Variants in ZNF462 observed in about 807,000 individuals in gnomAD.
ZNF462 encodes zinc finger protein 462, also known as zinc finger PBX1-interacting protein.
In ZNF462, 10 loss-of-function variants were observed where a neutral mutation model predicts 201.9. The observed-to-expected ratio is 0.05, with a 90% CI of 0.03 to 0.08. The LOEUF (loss-of-function observed/expected upper bound fraction) is 0.08. Ranked by LOEUF, ZNF462 falls within the 10% of genes least tolerant of loss-of-function variation. The probability of loss-of-function intolerance (pLI) is 1.00; values close to 1 mark genes in which losing one functional copy is unlikely to be tolerated. For missense variants in ZNF462, 2,523 were observed against 3,168.3 expected, an observed-to-expected ratio of 0.80 and a Z score of 4.89; for synonymous variants, 1,227 against 1,193.3, an observed-to-expected ratio of 1.03 and a Z score of -0.58.
chr9:106,894,414 C>T (rs531014478), intron 1 of ZNF462, among the ~76,000 whole-genome samples: 5 of 152,258 alleles, frequency 3.3e-5, no homozygotes, highest in Admixed American at 6.5e-5. Context: ...TTCCATAACA[C>T]GATATAACAG....
intron 10 of ZNF462, among the ~76,000 whole-genome samples, chr9:106,987,218 A>G (rs1827916399): frequency 6.6e-6 from 1 of 152,180 alleles, no homozygotes; most frequent in Non-Finnish European, 1.5e-5. Flanking sequence ...TTCTACTTTT[A>G]GTTCTTTAAG....
chr9:106,908,937 ATATATTTTTTTTTTTTTTTTTTTTTTTT>A (rs1465534751), intron 1 of ZNF462, among the ~76,000 whole-genome samples: 2 of 30,462 alleles, frequency 6.6e-5, no homozygotes, highest in African/African-American at 2.0e-4. Context: ...ATATATATAT[ATATATTTTTTTTTTTTTTTTTTTTTTTT>A]TTTTTTTTTT....
chr9:106,906,173 G>C (rs1049880378), intron 1 of ZNF462, among the ~76,000 whole-genome samples: 1 of 152,200 alleles, frequency 6.6e-6, no homozygotes, highest in East Asian at 1.9e-4. Context: ...TCTCCAGTGG[G>C]GGGTGTGTGT....
Position 106,923,338 on chromosome 9 carries a change from C to T in ZNF462, c.-30-16C>T, listed in dbSNP as rs1055000926. ...AGTGCATTCCTTAAGATGTTTTGTT[C>T]TGACTTCTGCCACAGGTTCCTAATG... On this transcript the variant is annotated splice_polypyrimidine_tract_variant and intron_variant, in intron 1 of 12. Coordinates refer to ENST00000277225, the MANE Select transcript of ZNF462 (RefSeq NM_021224.6). The surrounding 1 kb of genome is among the most constrained non-coding windows in gnomAD (Gnocchi z 5.6). 1.9e-6 allele frequency: 3 copies of T among 1,594,988 alleles called. No individual in the cohort carries two copies. The highest frequency in any genetic ancestry group is 2.6e-6 in the Non-Finnish European group (3 of 1,163,692).
rs771723442 is a variant in ZNF462, at chr9:106,926,928, A to C, written c.3016A>C (p.Lys1006Gln). 1.2e-6 allele frequency: 2 copies of C among 1,614,200 alleles called. No homozygotes were observed. Among genetic ancestry groups the C allele is most frequent in the South Asian group, 2.2e-5 (2 of 91,076 alleles). The change falls in exon 3 of 13, where the codon AAA (lysine) becomes CAA (glutamine). Residue 1006 changes from lysine to glutamine, a missense_variant. By Grantham distance (53) the Lys-to-Gln change is moderately conservative. Coordinates refer to ENST00000277225, the MANE Select transcript of ZNF462 (RefSeq NM_021224.6). The surrounding 1 kb of genome is among the most constrained non-coding windows in gnomAD (Gnocchi z 7.9). ...TGGTGGTTTGCCAGCTACGTTCAAC[A>C]AAAACACTCCTAAGACCTTTACTCC... ...RGGGLPATFNKNTPKTFTPEC... is the reference protein window; with the variant it reads ...RGGGLPATFNQNTPKTFTPEC...
rs1384032245 is a variant in ZNF462, at chr9:106,886,090, TAATC to T, written c.-31+22738_-31+22741del. On this transcript the variant is annotated intron_variant, in intron 1 of 12. Coordinates refer to ENST00000277225, the MANE Select transcript of ZNF462 (RefSeq NM_021224.6). The surrounding 1 kb of genome is among the most constrained non-coding windows in gnomAD (Gnocchi z 4.6). ...GAACAGTTTGTATTTTATTAAATAA[TAATC>T]AAGAGGTAACTCATACCCAAGAAGT... Among the ~76,000 whole-genome samples, 2 of 152,186 alleles carry T rather than the reference TAATC, an allele frequency of 1.3e-5. No homozygotes were observed. Among genetic ancestry groups the T allele is most frequent in the East Asian group, 3.8e-4 (2 of 5,200 alleles).
chr9:106,884,909 G>T (rs1211891543), intron 1 of ZNF462, among the ~76,000 whole-genome samples: 1 of 152,122 alleles, frequency 6.6e-6, no homozygotes, highest in African/African-American at 2.4e-5. Context: ...ACGGTCTAGG[G>T]TCTAATAGTA....
chr9:107,010,925 C>T lies in ZNF462; in HGVS notation c.7416C>T (p.Asp2472=), dbSNP rs367811186. ...KMPSIEEKED[D]EAIGIDFSLK... ...CCTCCATAGAGGAAAAGGAAGATGA[C>T]GAGGCCATTGGGATAGACTTTTCCC... Residue 2472 remains aspartate (D), a synonymous_variant, in exon 13 of 13, where the codon GAC becomes GAT. Coordinates refer to ENST00000277225, the MANE Select transcript of ZNF462 (RefSeq NM_021224.6). The surrounding 1 kb of genome is among the most constrained non-coding windows in gnomAD (Gnocchi z 4.6). 55 of 1,613,518 alleles carry T rather than the reference C, an allele frequency of 3.4e-5. No homozygotes were observed. The highest frequency in any genetic ancestry group is 4.4e-5 in the Non-Finnish European group (52 of 1,179,858).
chr9:106,972,322 C>T lies in ZNF462; in HGVS notation c.6695+50C>T, dbSNP rs377199026. 1.3e-6 allele frequency: 2 copies of T among 1,577,914 alleles called. No homozygotes were observed. Among genetic ancestry groups the T allele is most frequent in the Non-Finnish European group, 1.7e-6 (2 of 1,161,754 alleles). ...GGAAAACAAGGCGGCCGCCCCTGCT[C>T]CACCCCTCACTGCAGGCTTCCCTTA... On this transcript the variant is annotated intron_variant, in intron 8 of 12. Coordinates refer to ENST00000277225, the MANE Select transcript of ZNF462 (RefSeq NM_021224.6). This position sits in a 1 kb window ranked among gnomAD's most constrained non-coding sequence, Gnocchi z 4.8.
chr9:106,894,483 T>C (rs373618126), intron 1 of ZNF462, among the ~76,000 whole-genome samples: 1 of 152,240 alleles, frequency 6.6e-6, no homozygotes, highest in East Asian at 1.9e-4. Flanking sequence ...TTAAGGAAAA[T>C]GTAAAGGTAT....
intron 1 of ZNF462, among the ~76,000 whole-genome samples, chr9:106,882,955 T>C (rs962645115): frequency 6.6e-6 from 1 of 152,174 alleles, no homozygotes; most frequent in Non-Finnish European, 1.5e-5. Context: ...ATTGGAAGGA[T>C]GAAGCAACGG....
At chr9:106,869,999 A>G (rs542011093) in intron 1 of ZNF462, among the ~76,000 whole-genome samples, 1 of 152,178 alleles carries the variant, frequency 6.6e-6, no homozygotes, top group Non-Finnish European at 1.5e-5. Flanking sequence ...TTGGATTTAC[A>G]TTTTGTGCTT....
chr9:106,924,494 T>A lies in ZNF462; in HGVS notation c.582T>A (p.Ala194=). The change falls in exon 3 of 13, where the codon GCT becomes GCA. Residue 194 remains alanine (A), a synonymous_variant. Coordinates refer to ENST00000277225, the MANE Select transcript of ZNF462 (RefSeq NM_021224.6). The surrounding 1 kb of genome is among the most constrained non-coding windows in gnomAD (Gnocchi z 6.2). ...YHKNNLKETT[A]PPPAPAPMPD... ...AAAACAATTTGAAGGAGACCACTGC[T>A]CCCCCACCTGCTCCTGCTCCAATGC... 1 of 1,613,876 alleles carries A rather than the reference T, an allele frequency of 6.2e-7. No individual in the cohort carries two copies. Among genetic ancestry groups the A allele is most frequent in the Non-Finnish European group, 8.5e-7 (1 of 1,179,976 alleles).
chr9:106,877,937 A>C (rs975588579), intron 1 of ZNF462, among the ~76,000 whole-genome samples: 1 of 152,210 alleles, frequency 6.6e-6, no homozygotes, highest in Non-Finnish European at 1.5e-5. Context: ...ATGAAAGAGT[A>C]GGAGCTGAAC....
At chr9:106,999,569 T>A (rs1303650382) in intron 10 of ZNF462, among the ~76,000 whole-genome samples, 1 of 152,154 alleles carries the variant, frequency 6.6e-6, no homozygotes, top group African/African-American at 2.4e-5. Flanking sequence ...GATTAAAAAT[T>A]ATGTTTATTC....
intron 1 of ZNF462, among the ~76,000 whole-genome samples, chr9:106,864,332 C>T (rs933008307): frequency 4.6e-5 from 7 of 151,910 alleles, no homozygotes; most frequent in African/African-American, 1.5e-4. Context: ...AGCCATTACA[C>T]ACGCTTGGCT....
At chr9:106,999,563 A>T (rs1015498336) in intron 10 of ZNF462, among the ~76,000 whole-genome samples, 3 of 152,182 alleles carry the variant, frequency 2.0e-5, no homozygotes, top group Non-Finnish European at 4.4e-5. Context: ...TGTAGTGATT[A>T]AAAATTATGT....
rs1290220741 is a variant in ZNF462 at position 106,981,497 on chromosome 9, G to A, written c.6833-2689G>A. Among the ~76,000 whole-genome samples, 1 of 152,158 alleles carries A rather than the reference G, an allele frequency of 6.6e-6. No homozygotes were observed. Among genetic ancestry groups the A allele is most frequent in the Non-Finnish European group, 1.5e-5 (1 of 68,032 alleles). ...TTCTCGGTTTCCACATCAACAAACT[G>A]AAGAAAATAGAACTGACTTTGCAGG... On this transcript the variant is annotated intron_variant, in intron 9 of 12. Transcript: ENST00000277225. The surrounding 1 kb of genome is among the most constrained non-coding windows in gnomAD (Gnocchi z 4.0).
rs554504351 is a variant in ZNF462 at position 106,971,921 on chromosome 9, A to G, written c.6428-84A>G. 2.7e-6 allele frequency: 4 copies of G among 1,507,152 alleles called. No homozygotes were observed. The South Asian group carries it at 4.0e-5, about 15-fold the overall frequency. The allele number at this position is 1,507,152 out of a possible 1,614,324, so 93.4% of individuals were successfully genotyped here. ...ACCTTAGTAAAGCTGGAGGGTAAAA[A>G]GAAACCTGATGTCAGGGGTTTTCAA... On this transcript the variant is annotated intron_variant, in intron 7 of 12. Transcript: ENST00000277225.
Sources: gnomAD v4.1 joint callset for allele counts (sites outside exome capture counted in the v4.1 genomes callset) on GRCh38, gnomAD v4.1.1 for gene constraint, Gnocchi (gnomAD v3.1) non-coding constraint, MANE v1.5 for transcripts, NCBI Gene and HGNC (gene_info 2026-07-23, HGNC 2026-07-21) for gene names.